The following DGKB variants were observed in gnomAD, a reference collection of about 807,000 sequenced individuals.
The protein encoded by DGKB is diacylglycerol kinase beta.
A neutral mutation model predicts 114.3 loss-of-function variants in DGKB; 67 were observed. The ratio of observed to expected loss-of-function variants is 0.59; its 90% confidence interval spans 0.48 to 0.72. The LOEUF (loss-of-function observed/expected upper bound fraction) is 0.72. DGKB is among the 30% of genes least tolerant of loss of function. DGKB has a pLI of 0.00. For missense variants in DGKB, 907 were observed against 975.2 expected (o/e 0.93, Z 0.93); for synonymous variants, 398 against 323.1 (o/e 1.23, Z -2.49).
intron 21 of DGKB, among the ~76,000 whole-genome samples, chr7:14,447,272 T>A (rs1830856797): frequency 6.6e-6 from 1 of 152,088 alleles, no homozygotes; most frequent in Non-Finnish European, 1.5e-5. Context: ...GCCCCTCTAC[T>A]GCTGAGAGCT....
intron 1 of DGKB, among the ~76,000 whole-genome samples, chr7:14,870,470 C>A (rs1019645778): frequency 1.3e-5 from 2 of 152,044 alleles, no homozygotes; most frequent in African/African-American, 4.8e-5. Context: ...GACTTAAGTA[C>A]GAACTTTTGT....
chr7:14,520,791 T>A, intron 20 of DGKB, among the ~76,000 whole-genome samples: 1 of 152,106 alleles, frequency 6.6e-6, no homozygotes, highest in South Asian at 2.1e-4. Context: ...GAATGTGCGT[T>A]CTGCATTCAT....
intron 23 of DGKB, among the ~76,000 whole-genome samples, chr7:14,259,861 A>G (rs940439746): frequency 1.3e-5 from 2 of 152,190 alleles, no homozygotes; most frequent in Non-Finnish European, 2.9e-5. Flanking sequence ...TCATTGAAAC[A>G]TTAAAATTAT....
chr7:14,793,048 G>A (rs1249978349), intron 2 of DGKB, among the ~76,000 whole-genome samples: 1 of 152,004 alleles, frequency 6.6e-6, no homozygotes, highest in Non-Finnish European at 1.5e-5. Context: ...CACCAAATGA[G>A]ATTTTTGCAA....
intron 5 of DGKB, among the ~76,000 whole-genome samples, chr7:14,721,677 T>C (rs1829195358): frequency 6.6e-6 from 1 of 152,164 alleles, no homozygotes; most frequent in African/African-American, 2.4e-5. Flanking sequence ...ATATATTCAA[T>C]CTATACATTG....
intron 2 of DGKB, among the ~76,000 whole-genome samples, chr7:14,824,844 G>T (rs1351046509): frequency 6.0e-5 from 9 of 151,064 alleles, no homozygotes; most frequent in Middle Eastern, 3.2e-3. Context: ...CATAATTTTA[G>T]ATTTTTTTGA....
intron 2 of DGKB, among the ~76,000 whole-genome samples, chr7:14,792,904 C>T (rs1436034411): frequency 6.6e-6 from 1 of 152,036 alleles, no homozygotes; most frequent in Admixed American, 6.6e-5. Context: ...TTGAATTCGT[C>T]AATTAATGAA....
chr7:14,571,656 G>A (rs1213466569), intron 20 of DGKB, among the ~76,000 whole-genome samples: 3 of 152,236 alleles, frequency 2.0e-5, no homozygotes. Context: ...GGTTAAATGA[G>A]AGGTTTTGTA....
At chr7:14,376,856 A>G (rs1818565566) in intron 21 of DGKB, among the ~76,000 whole-genome samples, 1 of 152,178 alleles carries the variant, frequency 6.6e-6, no homozygotes, top group Admixed American at 6.5e-5. Flanking sequence ...TCGAAGCAGA[A>G]GTAAGCTTTT....
intron 21 of DGKB, among the ~76,000 whole-genome samples, chr7:14,426,309 T>A (rs1424931996): frequency 1.3e-5 from 2 of 152,156 alleles, no homozygotes; most frequent in Non-Finnish European, 2.9e-5. Context: ...TAAATTAAGC[T>A]AAGTGATTTA....
At chr7:14,646,440 G>C (rs968343092) in intron 13 of DGKB, among the ~76,000 whole-genome samples, 2 of 151,998 alleles carry the variant, frequency 1.3e-5, no homozygotes, top group African/African-American at 4.8e-5. Flanking sequence ...TAATCTAAAA[G>C]GATAATAAAT....
chr7:14,486,775 T>G (rs1164176989), intron 20 of DGKB, among the ~76,000 whole-genome samples: 2 of 152,162 alleles, frequency 1.3e-5, no homozygotes, highest in Non-Finnish European at 2.9e-5. Flanking sequence ...GAGCTGTGTG[T>G]GCACAGAAGT....
At chr7:14,858,754 A>T (rs1850543172) in intron 1 of DGKB, among the ~76,000 whole-genome samples, 1 of 152,176 alleles carries the variant, frequency 6.6e-6, no homozygotes. Flanking sequence ...TAGGTAATTG[A>T]CCAAAATATA....
At chr7:14,260,196 T>C (rs148604356) in intron 23 of DGKB, among the ~76,000 whole-genome samples, 16 of 152,140 alleles carry the variant, frequency 1.1e-4, no homozygotes, top group Non-Finnish European at 2.1e-4. Context: ...TGGGATGGAC[T>C]GAAATCTAGT....
chr7:14,209,218 AT>A, intron 23 of DGKB: 1 of 282,602 alleles, frequency 3.5e-6, no homozygotes, highest in Non-Finnish European at 6.9e-6. Flanking sequence ...CCATTCATCA[AT>A]TTTTAAATTG....
intron 12 of DGKB, among the ~76,000 whole-genome samples, chr7:14,675,503 C>A (rs1819693177): frequency 6.6e-6 from 1 of 151,888 alleles, no homozygotes; most frequent in South Asian, 2.1e-4. Flanking sequence ...GATGAGCTTA[C>A]CAGAGTGTGT....
At chr7:14,682,700 G>C (rs371518146) in intron 11 of DGKB, 31 bp from the exon 12 acceptor site, 254 of 1,606,336 alleles carry the variant, frequency 1.6e-4, no homozygotes, top group Non-Finnish European at 2.0e-4. Context: ...TGTGATAAGA[G>C]GACACACTAC....
At chr7:14,729,517 C>T (rs1344142427) in intron 5 of DGKB, among the ~76,000 whole-genome samples, 2 of 152,022 alleles carry the variant, frequency 1.3e-5, no homozygotes, top group Non-Finnish European at 2.9e-5. Context: ...TCATACATTG[C>T]CCTTTGATGG....
chr7:14,487,950 A>G (rs1784071085), intron 20 of DGKB, among the ~76,000 whole-genome samples: 1 of 152,146 alleles, frequency 6.6e-6, no homozygotes, highest in Non-Finnish European at 1.5e-5. Flanking sequence ...TATTGGAAAT[A>G]AAATATATTT....
Sources: gnomAD v4.1 joint callset for allele counts (sites outside exome capture counted in the v4.1 genomes callset) on GRCh38, gnomAD v4.1.1 for gene constraint, MANE v1.5 for transcripts, NCBI Gene and HGNC (gene_info 2026-07-23, HGNC 2026-07-21) for gene names.